LRRIQ1: variants seen among roughly 807,000 people sequenced by gnomAD.
LRRIQ1 encodes leucine rich repeats and IQ motif containing 1.
In LRRIQ1, 210 loss-of-function variants were observed where a neutral mutation model predicts 211.9. The ratio of observed to expected loss-of-function variants is 0.99; its 90% CI spans 0.89 to 1.11. The LOEUF (loss-of-function observed/expected upper bound fraction) is 1.11, where lower values mean the gene tolerates loss of function less well. Ranked by LOEUF, LRRIQ1 falls within the 50% of genes most tolerant of loss-of-function variation. The probability of loss-of-function intolerance (pLI) is 0.00; values close to 1 mark genes in which losing one functional copy is unlikely to be tolerated. For synonymous variants in LRRIQ1, 699 were observed against 650.1 expected (o/e 1.08, Z -1.14); for missense variants, 2,136 against 1,939.5 (o/e 1.10, Z -1.90).
chr12:85,235,040 C>A (rs1895110627), intron 26 of LRRIQ1, among the ~76,000 whole-genome samples: 1 of 152,162 alleles, frequency 6.6e-6, no homozygotes, highest in African/African-American at 2.4e-5. Context: ...ATCCAGAATA[C>A]TCTTTAGTAA....
intron 1 of LRRIQ1, among the ~76,000 whole-genome samples, chr12:85,252,840 A>G (rs1458897624): frequency 2.0e-5 from 3 of 151,810 alleles, no homozygotes; most frequent in Admixed American, 6.6e-5. Context: ...GATTCAACAA[A>G]CTCCTATTGA....
chr12:85,213,729 TTA>T (rs752931846), intron 24 of LRRIQ1, among the ~76,000 whole-genome samples: 6 of 151,872 alleles, frequency 4.0e-5, no homozygotes, highest in Non-Finnish European at 8.8e-5. Flanking sequence ...ACTTAAAAAC[TTA>T]TGAGTAGAAG....
At position 85,056,580 on chromosome 12, in the gene LRRIQ1, G is replaced by T; in HGVS notation, c.1787G>T (p.Gly596Val). ...AAAGAAGAGATACAAGAACAGAATG[G>T]ATTATTATATAAAGATAAGGATACT... The part of the protein sequence containing the change: ...VEKEEIQEQN[G>V]LLYKDKDTLV... The change falls in exon 8 of 27, where the codon GGA becomes GTA. Residue 596 changes from glycine (G) to valine (V), a missense_variant. Transcript: ENST00000393217. The T allele has an allele frequency of 6.3e-7, 1 of 1,598,070 alleles. No individual in the cohort carries two copies. The highest frequency in any genetic ancestry group is 1.4e-5 in the African/African-American group (1 of 73,886).
chr12:85,252,539 C>T (rs927469615), intron 1 of LRRIQ1, among the ~76,000 whole-genome samples: 1 of 151,598 alleles, frequency 6.6e-6, no homozygotes, highest in Non-Finnish European at 1.5e-5. Context: ...GAGTAAGATG[C>T]TAGCCAGCCA....
intron 10 of LRRIQ1, among the ~76,000 whole-genome samples, chr12:85,068,396 T>C (rs1357528175): frequency 6.6e-6 from 1 of 151,942 alleles, no homozygotes; most frequent in South Asian, 2.1e-4. Flanking sequence ...TCTTCTTTTA[T>C]TGTGGAAAAT....
At chr12:85,247,353 A>G (rs981834715), downstream of LRRIQ1, among the ~76,000 whole-genome samples, 13 of 151,624 alleles carry the variant, frequency 8.6e-5, no homozygotes, top group Non-Finnish European at 8.9e-5. Flanking sequence ...TATTTCTTTT[A>G]GCTTTGCAGG....
chr12:85,121,777 A>T lies in LRRIQ1; in HGVS notation c.3458A>T (p.Glu1153Val). 1 of 1,610,182 alleles carries T rather than the reference A, an allele frequency of 6.2e-7. No individual in the cohort carries two copies. Among genetic ancestry groups the T allele is most frequent in the Non-Finnish European group, 8.5e-7 (1 of 1,178,136 alleles). ...ILNSNSESRT[E>V]EHNQLGSAGF... Reference sequence around the variant, plus strand: ...AACTCTAATTCAGAAAGCCGCACTGAAGAACACAATCAACTGGGATCAGCA... The same window carrying T: ...AACTCTAATTCAGAAAGCCGCACTGTAGAACACAATCAACTGGGATCAGCA... The change falls in exon 16 of 27, where the codon GAA becomes GTA. Residue 1153 changes from glutamate (E) to valine (V), a missense_variant. Physicochemically the swap from Glu to Val is moderately radical, Grantham distance 121. Transcript: ENST00000393217.
chr12:85,128,817 T>C (rs1157811041), intron 18 of LRRIQ1, among the ~76,000 whole-genome samples: 1 of 152,236 alleles, frequency 6.6e-6, no homozygotes, highest in Non-Finnish European at 1.5e-5. Context: ...CAGGGTTTTC[T>C]TTTTAAGCAG....
At chr12:85,131,490 C>T (rs1888759243) in intron 18 of LRRIQ1, among the ~76,000 whole-genome samples, 1 of 152,134 alleles carries the variant, frequency 6.6e-6, no homozygotes, top group South Asian at 2.1e-4. Context: ...ATATGAGCTA[C>T]ACCTTAAGTA....
intron 19 of LRRIQ1, among the ~76,000 whole-genome samples, chr12:85,138,202 T>G (rs893704221): frequency 4.0e-5 from 6 of 151,478 alleles, no homozygotes; most frequent in African/African-American, 1.2e-4. Flanking sequence ...AACCATGTTC[T>G]CCAGTTATCA....
intron 6 of LRRIQ1, among the ~76,000 whole-genome samples, chr12:85,051,344 G>T (rs1268426504): frequency 6.6e-6 from 1 of 152,046 alleles, no homozygotes; most frequent in Non-Finnish European, 1.5e-5. Flanking sequence ...TTTTCTTTAT[G>T]AATTATCTAG....
At chr12:85,089,547 T>C (rs1293473340) in intron 11 of LRRIQ1, among the ~76,000 whole-genome samples, 1 of 152,180 alleles carries the variant, frequency 6.6e-6, no homozygotes, top group Non-Finnish European at 1.5e-5. Flanking sequence ...CAAGATTATG[T>C]GTGTTATGCC....
chr12:85,174,739 CAG>C (rs1891605527), intron 24 of LRRIQ1, among the ~76,000 whole-genome samples: 1 of 88,242 alleles, frequency 1.1e-5, no homozygotes, highest in Admixed American at 1.2e-4. Context: ...GATCCAGAAA[CAG>C]AGAATAGCAG....
chr12:85,260,128 T>C (rs1293325585), intron 1 of LRRIQ1, among the ~76,000 whole-genome samples: 1 of 67,714 alleles, frequency 1.5e-5, no homozygotes, highest in African/African-American at 7.0e-5. Flanking sequence ...TTCATGTTGG[T>C]TAAAAAAAAA....
chr12:85,036,721 CCTTT>C (rs1158986308), intron 1 of LRRIQ1, among the ~76,000 whole-genome samples: 1 of 151,714 alleles, frequency 6.6e-6, no homozygotes, highest in East Asian at 1.9e-4. Context: ...TCCTTTCCAC[CCTTT>C]CTTTTTCTGT....
intron 24 of LRRIQ1, among the ~76,000 whole-genome samples, chr12:85,192,627 A>T (rs182045049): frequency 0.38 from 21,131 of 55,672 alleles, 4,485 homozygotes; most frequent in African/African-American, 0.63. Context: ...TATAATTATA[A>T]ATAAATATAT....
chr12:85,173,426 G>T (rs1419638703), intron 24 of LRRIQ1, among the ~76,000 whole-genome samples: 1 of 152,166 alleles, frequency 6.6e-6, no homozygotes, highest in African/African-American at 2.4e-5. Context: ...GTGCCTTAGA[G>T]AACAGAAATT....
intron 24 of LRRIQ1, among the ~76,000 whole-genome samples, chr12:85,211,321 T>C (rs745990359): frequency 2.6e-5 from 4 of 152,220 alleles, no homozygotes; most frequent in Non-Finnish European, 5.9e-5. Context: ...TTTTGACTTA[T>C]TTACTTTGTG....
intron 24 of LRRIQ1, among the ~76,000 whole-genome samples, chr12:85,166,810 T>G (rs1381238980): frequency 2.6e-5 from 4 of 152,232 alleles, no homozygotes; most frequent in Non-Finnish European, 1.5e-5. Flanking sequence ...AAAATTATCA[T>G]GGATGCAAAG....
Sources: gnomAD v4.1 joint callset for allele counts (sites outside exome capture counted in the v4.1 genomes callset) on GRCh38, gnomAD v4.1.1 for gene constraint, MANE v1.5 for transcripts, NCBI Gene and HGNC (gene_info 2026-07-23, HGNC 2026-07-21) for gene names.